The following CCDC63 variants were observed in gnomAD, a reference collection of about 807,000 sequenced individuals.
CCDC63 encodes the protein coiled-coil domain containing 63, also known as coiled-coil domain-containing protein 63.
A neutral mutation model predicts 63.6 loss-of-function variants in CCDC63; 54 were observed. The ratio of observed to expected loss-of-function variants is 0.85; its 90% CI spans 0.68 to 1.07. The LOEUF is 1.07. CCDC63 is among the 50% of genes least tolerant of loss of function. The pLI is 0.00. For missense variants in CCDC63, 637 were observed against 689.6 expected (o/e 0.92, Z 0.86); for synonymous variants, 253 against 266.1 (o/e 0.95, Z 0.48).
Position 110,873,957 on chromosome 12 carries a change from A to C in CCDC63, c.485A>C (p.Asn162Thr). 1 of 1,611,292 alleles carries C rather than the reference A, an allele frequency of 6.2e-7. No homozygotes were observed. The highest frequency in any genetic ancestry group is 8.5e-7 in the Non-Finnish European group (1 of 1,179,094). The change falls in exon 5 of 12, where the codon AAT becomes ACT. Residue 162 changes from asparagine (N) to threonine (T), a missense_variant. Physicochemically the swap from Asn to Thr is moderately conservative, Grantham distance 65. Transcript: ENST00000308208. Reference sequence around the variant, plus strand: ...ATTCACATTTTGGAAACCCGTTTGAATCTCGTATGTAAAGTGTTCTCTGCA... The same window carrying C: ...ATTCACATTTTGGAAACCCGTTTGACTCTCGTATGTAAAGTGTTCTCTGCA... The part of the protein sequence containing the change: ...KQIHILETRL[N>T]LVTVHFDKML...
At chr12:110,906,189 G>A (rs2071577592) in intron 11 of CCDC63, among the ~76,000 whole-genome samples, 2 of 133,550 alleles carry the variant, frequency 1.5e-5, no homozygotes, top group Non-Finnish European at 3.1e-5. Flanking sequence ...TCATCTAGTG[G>A]CCAAGGATGC....
intron 4 of CCDC63, among the ~76,000 whole-genome samples, chr12:110,859,344 T>C (rs1342210328): frequency 2.6e-5 from 4 of 152,084 alleles, no homozygotes; most frequent in Non-Finnish European, 5.9e-5. Flanking sequence ...TCTTGCTCTC[T>C]TGCCCAGGCT....
At chr12:110,905,629 A>G (rs1408845495) in intron 11 of CCDC63, among the ~76,000 whole-genome samples, 1 of 151,554 alleles carries the variant, frequency 6.6e-6, no homozygotes, top group African/African-American at 2.4e-5. Context: ...GTGGAATTCT[A>G]AGCAGCCCCA....
chr12:110,866,841 C>G (rs1427133367), intron 4 of CCDC63, among the ~76,000 whole-genome samples: 3 of 149,770 alleles, frequency 2.0e-5, no homozygotes, highest in African/African-American at 7.3e-5. Flanking sequence ...GGGCACACCT[C>G]CCAGACGGGG....
intron 5 of CCDC63, among the ~76,000 whole-genome samples, chr12:110,875,102 T>A (rs2071114122): frequency 6.6e-6 from 1 of 152,184 alleles, no homozygotes; most frequent in South Asian, 2.1e-4. Context: ...GGGAGCTAAT[T>A]GGATCTGATC....
Position 110,852,819 on chromosome 12 carries a change from G to GGTGGCTTACAAGTTCTCTTCC in CCDC63, c.-96-39_-96-19dup, listed in dbSNP as rs1161871642. On this transcript the variant is annotated intron_variant, in intron 1 of 11. Coordinates refer to ENST00000308208, the MANE Select transcript of CCDC63 (RefSeq NM_152591.3). Reference sequence around the variant, plus strand: ...CGTTCTGACCTGCACCCCCAGCAGGGGTGGCTTACAAGTTCTCTTCCTTTT... The same window carrying GGTGGCTTACAAGTTCTCTTCC: ...CGTTCTGACCTGCACCCCCAGCAGGGGTGGCTTACAAGTTCTCTTCCGTGGCTTACAAGTTCTCTTCCTTTT... 2.9e-6 allele frequency: 4 copies of GGTGGCTTACAAGTTCTCTTCC among 1,373,762 alleles called. No homozygotes were observed. In the Admixed American group the frequency reaches 6.7e-5, roughly 23 times the overall value. 85.1% of individuals were successfully genotyped at this position (1,373,762 alleles called of 1,614,324 possible). A position where few individuals can be genotyped will look rare whatever the true frequency, so the allele number is the denominator to read the frequency against.
intron 4 of CCDC63, among the ~76,000 whole-genome samples, chr12:110,862,858 C>A (rs35413295): frequency 0.24 from 36,357 of 151,746 alleles, 4,655 homozygotes; most frequent in Admixed American, 0.31. Flanking sequence ...CAGATTCAAG[C>A]AATCCTCCTG....
intron 4 of CCDC63, among the ~76,000 whole-genome samples, chr12:110,867,558 G>C: frequency 7.3e-6 from 1 of 137,118 alleles, no homozygotes; most frequent in African/African-American, 2.8e-5. Flanking sequence ...CGGACGGGGC[G>C]GCTGGCCGGG....
rs763219359 is a variant in CCDC63 at position 110,907,331 on chromosome 12, T to C, written c.1547T>C (p.Val516Ala). Residue 516 changes from valine (V) to alanine (A), a missense_variant and splice_region_variant, in exon 12 of 12, where the codon GTG (valine) becomes GCG (alanine). Val to Ala is a moderately conservative substitution (Grantham distance 64, BLOSUM62 0). Coordinates refer to ENST00000308208, the MANE Select transcript of CCDC63 (RefSeq NM_152591.3). The surrounding 1 kb of genome is among the most constrained non-coding windows in gnomAD (Gnocchi z 4.4). The stretch of plus-strand genomic sequence containing the variant: ...TCACACAAATCTGATCTTGGTGCAG[T>C]GGAACAGCCCCTGGACCACAGCAGC... Reference protein sequence around the residue: ...ADPFSDRLDDVEQPLDHSSLR... With the variant: ...ADPFSDRLDDAEQPLDHSSLR... 5 of 1,613,050 alleles carry C rather than the reference T, an allele frequency of 3.1e-6. No homozygotes were observed. In the Admixed American group the frequency reaches 5.0e-5, roughly 16 times the overall value.
chr12:110,870,649 A>G (rs2071052958), intron 4 of CCDC63, among the ~76,000 whole-genome samples: 1 of 152,156 alleles, frequency 6.6e-6, no homozygotes, highest in Non-Finnish European at 1.5e-5. Context: ...CTATGAGGCC[A>G]GACCCCATCC....
chr12:110,864,523 G>A (rs937664329), intron 4 of CCDC63, among the ~76,000 whole-genome samples: 3 of 151,594 alleles, frequency 2.0e-5, no homozygotes, highest in Admixed American at 6.6e-5. Context: ...CAGGAGTTCC[G>A]AACAGACCAG....
At position 110,893,128 on chromosome 12, in the gene CCDC63, A is replaced by T; in HGVS notation, c.1127A>T (p.His376Leu). 1 of 1,613,782 alleles carries T rather than the reference A, an allele frequency of 6.2e-7. No individual in the cohort carries two copies. The highest frequency in any genetic ancestry group is 8.5e-7 in the Non-Finnish European group (1 of 1,179,874). Residue 376 changes from histidine to leucine, a missense_variant, in exon 9 of 12, where the codon CAC becomes CTC. Coordinates refer to ENST00000308208, the MANE Select transcript of CCDC63 (RefSeq NM_152591.3). Reference sequence around the variant, plus strand: ...CAGAAATTGTCCCACGATGACAACCACTCTGTCCTGAGACAGCTGGAGGTG... The same window carrying T: ...CAGAAATTGTCCCACGATGACAACCTCTCTGTCCTGAGACAGCTGGAGGTG... ...SQQKLSHDDN[H>L]SVLRQLEDKL...
chr12:110,895,629 G>A (rs1178399532), intron 9 of CCDC63, among the ~76,000 whole-genome samples: 3 of 152,140 alleles, frequency 2.0e-5, no homozygotes, highest in African/African-American at 7.2e-5. Flanking sequence ...TCACTTCCTA[G>A]CTCTGTGACG....
intron 4 of CCDC63, among the ~76,000 whole-genome samples, chr12:110,859,018 G>A (rs113945414): frequency 4.6e-5 from 7 of 152,158 alleles, no homozygotes; most frequent in South Asian, 4.2e-4. Context: ...CTGCTGCACC[G>A]TGAATAAACC....
chr12:110,879,902 A>G lies in CCDC63; in HGVS notation c.490-4A>G, dbSNP rs1321949261. 1.9e-6 allele frequency: 3 copies of G among 1,613,854 alleles called. No homozygotes were observed. Among genetic ancestry groups the G allele is most frequent in the Middle Eastern group, 1.6e-4 (1 of 6,082 alleles). ...CCTGTTTTGAAGCATGGCCCTTTCA[A>G]CAGGTCACTGTTCACTTTGACAAGA... On this transcript the variant is annotated splice_polypyrimidine_tract_variant and splice_region_variant and intron_variant, in intron 5 of 11. Transcript: ENST00000308208.
At chr12:110,882,302 A>G (rs1298754389) in intron 7 of CCDC63, among the ~76,000 whole-genome samples, 1 of 144,814 alleles carries the variant, frequency 6.9e-6, no homozygotes, top group Non-Finnish European at 1.5e-5. Context: ...ACTTGAGGCC[A>G]GGAGTTTGAG....
At chr12:110,860,202 C>T (rs2136655720) in intron 4 of CCDC63, among the ~76,000 whole-genome samples, 1 of 152,336 alleles carries the variant, frequency 6.6e-6, no homozygotes, top group South Asian at 2.1e-4. Flanking sequence ...GGCAATGGCT[C>T]CCCTTTCTTC....
intron 7 of CCDC63, among the ~76,000 whole-genome samples, chr12:110,882,124 C>T (rs763792477): frequency 6.6e-5 from 10 of 152,084 alleles, no homozygotes; most frequent in Non-Finnish European, 1.0e-4. Flanking sequence ...GTGTGTGGTC[C>T]GGCGTCTGGA....
chr12:110,902,669 T>C (rs2136748666), intron 10 of CCDC63, among the ~76,000 whole-genome samples: 1 of 152,282 alleles, frequency 6.6e-6, no homozygotes, highest in East Asian at 1.9e-4. Flanking sequence ...TATCTGAATC[T>C]ATGTGGTTCC....
Sources: allele counts gnomAD v4.1 joint callset (sites outside exome capture counted in the v4.1 genomes callset), GRCh38; gene constraint gnomAD v4.1.1; non-coding constraint Gnocchi (gnomAD v3.1); transcripts MANE v1.5; gene names NCBI Gene and HGNC (gene_info 2026-07-23, HGNC 2026-07-21).